The following NBAS variants were observed in gnomAD, a reference collection of about 807,000 sequenced individuals.
NBAS encodes the protein NAG/BC035112 fusion.
Under a neutral mutation model 302.5 loss-of-function variants are expected in NBAS, and 219 were observed. That is an observed-to-expected ratio of 0.72 (90% CI 0.65 to 0.81). The LOEUF is 0.81. NBAS is among the 30% of genes least tolerant of loss of function. NBAS has a pLI of 0.00. For missense variants in NBAS, 2,932 were observed against 2,841.6 expected (o/e 1.03, Z -0.72); for synonymous variants, 1,118 against 1,021.6 (o/e 1.09, Z -1.80).
rs1675128012 is a variant in NBAS, at chr2:15,383,228, T to A, written c.3347A>T (p.Asp1116Val). The A allele has an allele frequency of 6.2e-7, 1 of 1,613,364 alleles. No individual in the cohort carries two copies. The highest frequency in any genetic ancestry group is 1.1e-5 in the South Asian group (1 of 91,074). The change falls in exon 29 of 52, where the codon GAT (aspartate) becomes GTT (valine). Residue 1116 changes from aspartate (D) to valine (V), a missense_variant. Coordinates refer to ENST00000281513, the MANE Select transcript of NBAS (RefSeq NM_015909.4). Reference sequence around the variant, plus strand: ...TTCTAGAGTTACCTCATAGCAGGCATCAGAATCTAGACATGTGTATACATT... The same window carrying A: ...TTCTAGAGTTACCTCATAGCAGGCAACAGAATCTAGACATGTGTATACATT... ...QQNVYTCLDS[D>V]ACYEIFTESL... is the part of the protein sequence containing the mutation.
chr2:15,444,068 G>C (rs1484376073), intron 21 of NBAS, among the ~76,000 whole-genome samples: 6 of 151,618 alleles, frequency 4.0e-5, no homozygotes, highest in Non-Finnish European at 7.4e-5. Context: ...TGTGAAAATG[G>C]CCATACTGCC....
intron 22 of NBAS, among the ~76,000 whole-genome samples, chr2:15,426,836 T>C (rs1450820907): frequency 6.6e-6 from 1 of 152,146 alleles, no homozygotes; most frequent in Non-Finnish European, 1.5e-5. Context: ...AACCTGTTCG[T>C]TTGTTGGCTT....
chr2:14,994,457 C>A, the NBAS span, among the ~76,000 whole-genome samples: 3 of 152,154 alleles, frequency 2.0e-5, no homozygotes, highest in African/African-American at 7.2e-5. Context: ...GATCAGAGAG[C>A]CCATCCTGCA....
the NBAS span, among the ~76,000 whole-genome samples, chr2:14,855,852 C>G: frequency 6.6e-6 from 1 of 152,176 alleles, no homozygotes; most frequent in African/African-American, 2.4e-5. Context: ...CCTCACCACC[C>G]TAAAGGAAAG....
At chr2:15,522,206 G>A (rs1337521339) in intron 9 of NBAS, among the ~76,000 whole-genome samples, 3 of 152,108 alleles carry the variant, frequency 2.0e-5, no homozygotes, top group Non-Finnish European at 2.9e-5. Flanking sequence ...TAGAGGAAGA[G>A]GAAACAACTT....
intron 12 of NBAS, among the ~76,000 whole-genome samples, chr2:15,480,199 G>A (rs1296492121): frequency 3.3e-5 from 5 of 152,062 alleles, no homozygotes; most frequent in African/African-American, 4.8e-5. Flanking sequence ...TAATTAGCCA[G>A]GCACAGTGGC....
At position 15,360,330 on chromosome 2, in the gene NBAS, TAA is replaced by T. The variant is rs551926742; in HGVS notation, c.3818-3916_3818-3915del. The stretch of plus-strand genomic sequence containing the variant: ...AAGTTAACTATAGGTTACCATAACT[TAA>T]AAAAAAAAAAAAAACAAAACAAAAC... On this transcript the variant is annotated intron_variant, in intron 32 of 51. Coordinates refer to ENST00000281513, the MANE Select transcript of NBAS (RefSeq NM_015909.4). Among the ~76,000 whole-genome samples, 75 of 92,994 alleles carry T rather than the reference TAA, an allele frequency of 8.1e-4. 1 individual carries two copies. The highest frequency in any genetic ancestry group is 2.8e-3 in the South Asian group (9 of 3,214). 61.0% of individuals were successfully genotyped at this position (92,994 alleles called of 152,430 possible). A position where few individuals can be genotyped will look rare whatever the true frequency, so the allele number is the denominator to read the frequency against.
At position 15,379,653 on chromosome 2, in the gene NBAS, T is replaced by C. The variant is rs781174382; in HGVS notation, c.3539A>G (p.Glu1180Gly). 2 of 1,613,998 alleles carry C rather than the reference T, an allele frequency of 1.2e-6. No individual in the cohort carries two copies. Among genetic ancestry groups the C allele is most frequent in the South Asian group, 2.2e-5 (2 of 91,076 alleles). ...GAGGTTGGTAGAAGAATTGAAGTAC[T>C]CTCTGCTGGCAGCCAAAACCAAGTC... The part of the protein sequence containing the change: ...SIDLVLAASR[E>G]YFNSSTNLTD... The change falls in exon 30 of 52, where the codon GAG becomes GGG. Residue 1180 changes from glutamate to glycine, a missense_variant. Physicochemically the swap from Glu to Gly is moderately conservative, Grantham distance 98. Transcript: ENST00000281513.
the NBAS span, among the ~76,000 whole-genome samples, chr2:15,009,635 C>CACAT: frequency 7.5e-6 from 1 of 133,298 alleles, no homozygotes; most frequent in East Asian, 2.0e-4. Flanking sequence ...CACACACACA[C>CACAT]ACATATACAC....
chr2:15,461,318 A>C lies in NBAS; in HGVS notation c.2222T>G (p.Leu741Arg). Reference protein sequence around the residue: ...TYAQESNVQALEILFTYHGSD... With the variant: ...TYAQESNVQAREILFTYHGSD... ...ACCATGGTAAGTAAACAGAATTTCC[A>C]GGGCTTGTACATTACTTTCCTGTAC... Residue 741 changes from leucine (L) to arginine (R), a missense_variant, in exon 21 of 52, where the codon CTG (leucine) becomes CGG (arginine). Physicochemically the swap from Leu to Arg is moderately radical, Grantham distance 102. Coordinates refer to ENST00000281513, the MANE Select transcript of NBAS (RefSeq NM_015909.4). The C allele has an allele frequency of 6.2e-7, 1 of 1,612,494 alleles. No individual in the cohort carries two copies. Among genetic ancestry groups the C allele is most frequent in the Non-Finnish European group, 8.5e-7 (1 of 1,178,550 alleles).
At chr2:15,261,636 C>T (rs1442389958) in intron 44 of NBAS, among the ~76,000 whole-genome samples, 1 of 151,610 alleles carries the variant, frequency 6.6e-6, no homozygotes, top group Admixed American at 6.6e-5. Flanking sequence ...TTTTACTGCT[C>T]ACTTTCAGCA....
chr2:15,535,014 A>C lies in NBAS; in HGVS notation c.648-373T>G, dbSNP rs115189060. Reference sequence around the variant, plus strand: ...AATAGAAGAATGGATTTCTAAAATCATGAGCTATTCATACAATAAAATACT... The same window carrying C: ...AATAGAAGAATGGATTTCTAAAATCCTGAGCTATTCATACAATAAAATACT... On this transcript the variant is annotated intron_variant, in intron 8 of 51. Transcript: ENST00000281513. Among the ~76,000 whole-genome samples, 864 of 152,352 alleles carry C rather than the reference A, an allele frequency of 5.7e-3. 14 individuals are homozygous for C. The highest frequency in any genetic ancestry group is 0.02 in the African/African-American group (832 of 41,578).
intron 46 of NBAS, among the ~76,000 whole-genome samples, chr2:15,233,453 T>G (rs1225151472): frequency 6.6e-6 from 1 of 152,206 alleles, no homozygotes; most frequent in East Asian, 1.9e-4. Flanking sequence ...TAAACTAAAT[T>G]AATCAAAACA....
chr2:15,086,626 T>A, the NBAS span, among the ~76,000 whole-genome samples: 1 of 152,126 alleles, frequency 6.6e-6, no homozygotes. Flanking sequence ...TCTCCAAGCT[T>A]CCGGTGCCAC....
the NBAS span, among the ~76,000 whole-genome samples, chr2:15,027,986 C>A: frequency 1.3e-5 from 2 of 152,092 alleles, no homozygotes; most frequent in African/African-American, 4.8e-5. Context: ...AACAACTCTG[C>A]CTCATCATCA....
chr2:14,961,868 T>A, the NBAS span, among the ~76,000 whole-genome samples: 1 of 152,174 alleles, frequency 6.6e-6, no homozygotes, highest in Non-Finnish European at 1.5e-5. Flanking sequence ...AACCTCCACC[T>A]CTCAGGTTCA....
chr2:14,880,918 T>C, the NBAS span, among the ~76,000 whole-genome samples: 1 of 146,198 alleles, frequency 6.8e-6, no homozygotes, highest in Non-Finnish European at 1.5e-5. Flanking sequence ...AGGAATTTTA[T>C]GGACCTCCAG....
intron 44 of NBAS, among the ~76,000 whole-genome samples, chr2:15,270,970 T>C (rs895151504): frequency 2.6e-5 from 4 of 152,178 alleles, no homozygotes; most frequent in African/African-American, 9.7e-5. Context: ...GTGAAAGAGG[T>C]ACTGCCATCC....
At chr2:15,007,960 A>T in the NBAS span, among the ~76,000 whole-genome samples, 2 of 152,252 alleles carry the variant, frequency 1.3e-5, no homozygotes, top group East Asian at 3.8e-4. Flanking sequence ...TTTACAAAAT[A>T]ATGTTTTGAA....
Sources: gnomAD v4.1 joint callset for allele counts (sites outside exome capture counted in the v4.1 genomes callset) on GRCh38, gnomAD v4.1.1 for gene constraint, MANE v1.5 for transcripts, NCBI Gene and HGNC (gene_info 2026-07-23, HGNC 2026-07-21) for gene names.